Variants in ASTN1 observed in about 807,000 individuals in gnomAD.
The protein encoded by ASTN1 is astrotactin-1.
In ASTN1, 41 loss-of-function variants were observed where a neutral mutation model predicts 140.7. That is an observed-to-expected ratio of 0.29 (90% CI 0.23 to 0.38). The LOEUF (loss-of-function observed/expected upper bound fraction) is 0.38, where lower values mean the gene tolerates loss of function less well. Among genes scored for constraint, ASTN1 ranks in the 10% least tolerant of loss-of-function variants. The probability of loss-of-function intolerance (pLI) is 1.00; values close to 1 mark genes in which losing one functional copy is unlikely to be tolerated. For missense variants in ASTN1, 1,479 were observed against 1,678.8 expected (o/e 0.88, Z 2.08); for synonymous variants, 640 against 652.2 (o/e 0.98, Z 0.29).
intron 18 of ASTN1, among the ~76,000 whole-genome samples, chr1:176,886,918 CT>C (rs1349402978): frequency 6.6e-6 from 1 of 152,212 alleles, no homozygotes; most frequent in African/African-American, 2.4e-5. Context: ...ATTCCTGTGG[CT>C]TCAGTCCCAT....
Position 176,862,815 on chromosome 1 carries a change from T to C in ASTN1, c.*1469A>G, listed in dbSNP as rs1668010803. ...TACAGCAAGCACTCAATAAATGTTA[T>C]CTGTCACTACTACTATTTAGAAAAA... On this transcript the variant is annotated 3_prime_UTR_variant, in exon 23 of 23. Coordinates refer to ENST00000361833, the MANE Select transcript of ASTN1 (RefSeq NM_004319.3). 2.0e-6 allele frequency: 2 copies of C among 985,152 alleles called. No homozygotes were observed. The highest frequency in any genetic ancestry group is 3.5e-5 in the African/African-American group (2 of 57,250). The allele number at this position is 985,152 out of a possible 1,614,324, so 61.0% of individuals were successfully genotyped here.
rs1452906678 is a variant in ASTN1, at chr1:176,863,139, C to T, written c.*1145G>A. ...CTGCAATCAGTGGTGCTTCCCTACACAGAATCCCTGTGACTGGATGGGCAG... is the reference window on the plus strand; with the variant it reads ...CTGCAATCAGTGGTGCTTCCCTACATAGAATCCCTGTGACTGGATGGGCAG... On this transcript the variant is annotated 3_prime_UTR_variant, in exon 23 of 23. Coordinates refer to ENST00000361833, the MANE Select transcript of ASTN1 (RefSeq NM_004319.3). 1 of 985,932 alleles carries T rather than the reference C, an allele frequency of 1.0e-6. No homozygotes were observed. Among genetic ancestry groups the T allele is most frequent in the African/African-American group, 1.7e-5 (1 of 57,380 alleles). The allele number at this position is 985,932 out of a possible 1,614,324, so 61.1% of individuals were successfully genotyped here.
chr1:176,921,402 C>G (rs979166077), intron 16 of ASTN1, among the ~76,000 whole-genome samples: 6 of 152,090 alleles, frequency 3.9e-5, no homozygotes, highest in African/African-American at 1.2e-4. Context: ...TGGTTTAGGT[C>G]AAAGTATTTT....
chr1:176,876,396 C>T, intron 21 of ASTN1, 141 bp downstream of exon 21: 1 of 824,962 alleles, frequency 1.2e-6, no homozygotes, highest in South Asian at 1.7e-5. Flanking sequence ...AGGCAACGCT[C>T]CTGTACTGGG....
intron 9 of ASTN1, among the ~76,000 whole-genome samples, chr1:176,961,120 C>T (rs567055874): frequency 5.9e-5 from 9 of 152,126 alleles, no homozygotes; most frequent in Admixed American, 4.6e-4. Flanking sequence ...ATTTATTGAC[C>T]GATAAATAAC....
intron 16 of ASTN1, among the ~76,000 whole-genome samples, chr1:176,923,374 G>A (rs1557962664): frequency 6.6e-6 from 1 of 152,146 alleles, no homozygotes; most frequent in Non-Finnish European, 1.5e-5. Flanking sequence ...TCAGCTGACT[G>A]GCTACTGGCT....
Position 177,164,647 on chromosome 1 carries a change from G to C in ASTN1, c.30C>G (p.Leu10=). 1 of 1,600,224 alleles carries C rather than the reference G, an allele frequency of 6.2e-7. No homozygotes were observed. The highest frequency in any genetic ancestry group is 8.5e-7 in the Non-Finnish European group (1 of 1,173,396). ...CCGCCGCCGGCCCCCAGCAGCAGGC[G>C]AGCAGGGCGCAGAGCCCGGCTAAAG... MALAGLCAL[L]ACCWGPAAVL... is the part of the protein sequence containing the mutation. Residue 10 remains leucine (L), a synonymous_variant, in exon 1 of 23, where the codon CTC becomes CTG. Coordinates refer to ENST00000361833, the MANE Select transcript of ASTN1 (RefSeq NM_004319.3).
At chr1:176,997,771 G>A (rs1674523035) in intron 8 of ASTN1, among the ~76,000 whole-genome samples, 1 of 152,162 alleles carries the variant, frequency 6.6e-6, no homozygotes, top group Non-Finnish European at 1.5e-5. Context: ...TGCCACAATA[G>A]ATAGTCACAG....
intron 8 of ASTN1, among the ~76,000 whole-genome samples, chr1:176,988,789 G>C (rs4652217): frequency 0.36 from 54,074 of 151,950 alleles, 10,352 homozygotes; most frequent in Non-Finnish European, 0.43. Flanking sequence ...TAAGTACAGG[G>C]GAAAGAGAAA....
At chr1:176,975,754 G>T (rs750615069) in intron 8 of ASTN1, among the ~76,000 whole-genome samples, 10 of 152,168 alleles carry the variant, frequency 6.6e-5, no homozygotes, top group African/African-American at 9.7e-5. Flanking sequence ...TGGTACATCA[G>T]ATTCACCCAA....
intron 9 of ASTN1, among the ~76,000 whole-genome samples, chr1:176,963,277 G>A (rs936488743): frequency 6.6e-6 from 1 of 152,168 alleles, no homozygotes; most frequent in Admixed American, 6.5e-5. Flanking sequence ...AATCATGAGT[G>A]AGCATAGTAG....
chr1:176,970,632 TAAAAG>T (rs1189620620), intron 8 of ASTN1, among the ~76,000 whole-genome samples: 1 of 151,362 alleles, frequency 6.6e-6, no homozygotes, highest in African/African-American at 2.4e-5. Context: ...GATAGATAGA[TAAAAG>T]AAAGCAAGAA....
At chr1:176,869,905 C>G (rs1469289731) in intron 21 of ASTN1, among the ~76,000 whole-genome samples, 1 of 152,162 alleles carries the variant, frequency 6.6e-6, no homozygotes, top group South Asian at 2.1e-4. Context: ...TGTGGGAAAG[C>G]AGAACCCTTG....
intron 9 of ASTN1, among the ~76,000 whole-genome samples, chr1:176,960,243 A>C: frequency 6.6e-6 from 1 of 152,248 alleles, no homozygotes; most frequent in African/African-American, 2.4e-5. Flanking sequence ...TCATTATAAC[A>C]GGCAGGCTGG....
Position 177,034,141 on chromosome 1 carries a change from G to A in ASTN1, c.472-1292C>T, listed in dbSNP as rs138835088. 6.8e-4 allele frequency among the ~76,000 whole-genome samples: 103 copies of A among 152,052 alleles called. No individual in the cohort carries two copies. In the East Asian group the frequency reaches 0.016, roughly 24 times the overall value. On this transcript the variant is annotated intron_variant, in intron 2 of 22. Coordinates refer to ENST00000361833, the MANE Select transcript of ASTN1 (RefSeq NM_004319.3). ...TATGCCTCCAAATACATTAAAGGGG[G>A]CTTTTCCAGTCTCATAATAATTATA...
At chr1:176,896,690 A>G (rs996853437) in intron 16 of ASTN1, among the ~76,000 whole-genome samples, 8 of 152,172 alleles carry the variant, frequency 5.3e-5, no homozygotes, top group African/African-American at 1.9e-4. Flanking sequence ...AATAGCAGAG[A>G]GCTCTCTGCA....
Position 176,884,474 on chromosome 1 carries a change from C to G in ASTN1, c.3091G>C (p.Val1031Leu), listed in dbSNP as rs770951753. The G allele has an allele frequency of 1.2e-6, 2 of 1,612,960 alleles. No individual in the cohort carries two copies. The highest frequency in any genetic ancestry group is 2.7e-5 in the African/African-American group (2 of 74,870). ...LPQPVLRLST[V>L]HEPSSTLVVL... Reference sequence around the variant, plus strand: ...ACAAGAGTGCTGCTGGGCTCGTGAACCGTGGAGAGTCTCAGCCTGTGTGCA... The same window carrying G: ...ACAAGAGTGCTGCTGGGCTCGTGAAGCGTGGAGAGTCTCAGCCTGTGTGCA... The change falls in exon 19 of 23, where the codon GTT (valine) becomes CTT (leucine). Residue 1031 changes from valine to leucine, a missense_variant. Val to Leu is a conservative substitution (Grantham distance 32). Around this residue, in one of 3 missense-constraint regions of ASTN1, gnomAD observed 746 missense variants for 800.9 expected, o/e 0.93. Coordinates refer to ENST00000361833, the MANE Select transcript of ASTN1 (RefSeq NM_004319.3).
In ASTN1 at chr1:176,861,830, G is replaced by A. The variant is rs961497938; in HGVS notation, c.*2454C>T. The stretch of plus-strand genomic sequence containing the variant: ...AAAGACAAAGATAAAGAAGGTAGAG[G>A]AACTTGGGAGACTGAGGGAAAGATA... On this transcript the variant is annotated 3_prime_UTR_variant, in exon 23 of 23. Coordinates refer to ENST00000361833, the MANE Select transcript of ASTN1 (RefSeq NM_004319.3). 9.1e-6 allele frequency: 9 copies of A among 985,238 alleles called. No homozygotes were observed. Among genetic ancestry groups the A allele is most frequent in the African/African-American group, 3.5e-5 (2 of 57,192 alleles). The allele number at this position is 985,238 out of a possible 1,614,324, so 61.0% of individuals were successfully genotyped here.
intron 1 of ASTN1, among the ~76,000 whole-genome samples, chr1:177,145,144 A>G (rs1251600775): frequency 6.6e-6 from 1 of 152,180 alleles, no homozygotes; most frequent in African/African-American, 2.4e-5. Flanking sequence ...AGAAAAATCA[A>G]CTTTCAGCTC....
Sources: gnomAD v4.1 joint callset for allele counts (sites outside exome capture counted in the v4.1 genomes callset) on GRCh38, gnomAD v4.1.1 for gene constraint, gnomAD v4.1.1 regional missense constraint, MANE v1.5 for transcripts, NCBI Gene and HGNC (gene_info 2026-07-23, HGNC 2026-07-21) for gene names.